Variants in ULK4 observed in about 807,000 individuals in gnomAD.
ULK4 encodes the protein unc-51 like kinase 4, also known as inactive serine/threonine-protein kinase ULK4.
ULK4 carries 133 observed loss-of-function variants against 160.6 expected under a neutral mutation model. That is an observed-to-expected ratio of 0.83 (90% CI 0.72 to 0.96). The LOEUF is 0.96. ULK4 is among the 40% of genes least tolerant of loss of function. The pLI is 0.00. For synonymous variants in ULK4, 534 were observed against 539.8 expected (o/e 0.99, Z 0.15); for missense variants, 1,580 against 1,499.5 (o/e 1.05, Z -0.89).
chr3:41,366,781 G>T (rs2081262345), intron 35 of ULK4, among the ~76,000 whole-genome samples: 1 of 152,174 alleles, frequency 6.6e-6, no homozygotes, highest in Admixed American at 6.5e-5. Flanking sequence ...TGAGTCTTCT[G>T]TCCCTTCTCT....
intron 27 of ULK4, among the ~76,000 whole-genome samples, chr3:41,693,918 T>C (rs1039447499): frequency 1.3e-5 from 2 of 150,414 alleles, no homozygotes; most frequent in Admixed American, 1.3e-4. Context: ...ACACTAGGAG[T>C]GGGGAAGGGA....
intron 20 of ULK4, among the ~76,000 whole-genome samples, chr3:41,791,989 T>C (rs1476340528): frequency 6.6e-6 from 1 of 152,160 alleles, no homozygotes; most frequent in East Asian, 1.9e-4. Context: ...TCCCATCAAA[T>C]AATTAAACTC....
At chr3:41,385,297 A>C (rs2081780200) in intron 35 of ULK4, among the ~76,000 whole-genome samples, 1 of 152,186 alleles carries the variant, frequency 6.6e-6, no homozygotes, top group Non-Finnish European at 1.5e-5. Flanking sequence ...AAAGAAGAGT[A>C]AAACTATCAT....
Position 41,789,779 on chromosome 3 carries a change from A to T in ULK4, c.2075T>A (p.Leu692Gln). 1 of 1,613,768 alleles carries T rather than the reference A, an allele frequency of 6.2e-7. No individual in the cohort carries two copies. The highest frequency in any genetic ancestry group is 8.5e-7 in the Non-Finnish European group (1 of 1,179,866). ...AFQNVIEKVG[L>Q]NSVINSLASA... ...GGCCAGGGAGTTTATTACTGAGTTC[A>T]GTCCCACCTTTTCAATAACATTCTG... The change falls in exon 21 of 37, where the codon CTG (leucine) becomes CAG (glutamine). Residue 692 changes from leucine to glutamine, a missense_variant. Coordinates refer to ENST00000301831, the MANE Select transcript of ULK4 (RefSeq NM_017886.4).
At position 41,762,610 on chromosome 3, in the gene ULK4, T is replaced by C. The variant is rs140811965; in HGVS notation, c.2194-8122A>G. Among the ~76,000 whole-genome samples, 13 of 151,012 alleles carry C rather than the reference T, an allele frequency of 8.6e-5. No individual in the cohort carries two copies. In the East Asian group the frequency reaches 2.3e-3, roughly 27 times the overall value. On this transcript the variant is annotated intron_variant, in intron 21 of 36. Transcript: ENST00000301831. ...GGTGAAGGAGAAGCAAACCATGTCT[T>C]ACCTGGTGACAGGAGAAAGAGCAAG...
chr3:41,575,527 G>T (rs1310310858), intron 31 of ULK4, among the ~76,000 whole-genome samples: 1 of 152,140 alleles, frequency 6.6e-6, no homozygotes, highest in African/African-American at 2.4e-5. Context: ...CTTTTATATG[G>T]GGCATCATCA....
chr3:41,464,207 T>C (rs562292275), intron 32 of ULK4, among the ~76,000 whole-genome samples: 2 of 152,256 alleles, frequency 1.3e-5, no homozygotes, highest in South Asian at 4.1e-4. Context: ...TTCTATACAG[T>C]GCACCTTGTC....
chr3:41,556,289 A>G (rs1187108301), intron 32 of ULK4, among the ~76,000 whole-genome samples: 2 of 152,192 alleles, frequency 1.3e-5, no homozygotes, highest in Non-Finnish European at 2.9e-5. Flanking sequence ...CAACTCTGTG[A>G]AAACAGAATT....
intron 34 of ULK4, among the ~76,000 whole-genome samples, chr3:41,455,005 T>C (rs988116116): frequency 1.3e-5 from 2 of 152,206 alleles, no homozygotes; most frequent in Non-Finnish European, 2.9e-5. Flanking sequence ...TGAATTTCTG[T>C]TGAGCTCTTT....
intron 3 of ULK4, 160 bp downstream of exon 3, chr3:41,937,938 T>C (rs949421648): frequency 6.7e-6 from 3 of 447,156 alleles, no homozygotes; most frequent in Middle Eastern, 1.2e-3. Context: ...TACATAATTC[T>C]TCTTTTTCCC....
intron 32 of ULK4, among the ~76,000 whole-genome samples, chr3:41,491,814 T>C (rs1213749452): frequency 1.3e-5 from 2 of 152,040 alleles, no homozygotes; most frequent in Non-Finnish European, 2.9e-5. Flanking sequence ...ATGTGCCATG[T>C]TGGTGTGCTG....
At chr3:41,737,731 C>G (rs1273503313) in intron 22 of ULK4, among the ~76,000 whole-genome samples, 1 of 151,962 alleles carries the variant, frequency 6.6e-6, no homozygotes, top group Non-Finnish European at 1.5e-5. Flanking sequence ...CCAGAATCCT[C>G]AGCAAACTCA....
intron 27 of ULK4, among the ~76,000 whole-genome samples, chr3:41,701,859 A>C (rs1341252137): frequency 6.6e-6 from 1 of 152,158 alleles, no homozygotes; most frequent in Non-Finnish European, 1.5e-5. Context: ...TTTAGCTTTT[A>C]ATACATTAAT....
At chr3:41,516,025 G>A (rs2085736826) in intron 32 of ULK4, among the ~76,000 whole-genome samples, 1 of 152,096 alleles carries the variant, frequency 6.6e-6, no homozygotes, top group Non-Finnish European at 1.5e-5. Context: ...TCACTAAATT[G>A]TATGCTTAAA....
chr3:41,347,869 T>C (rs1421281278), intron 35 of ULK4, among the ~76,000 whole-genome samples: 7 of 152,100 alleles, frequency 4.6e-5, no homozygotes, highest in African/African-American at 1.7e-4. Flanking sequence ...AATAAGGTAT[T>C]AGGAAGATAT....
intron 35 of ULK4, among the ~76,000 whole-genome samples, chr3:41,338,110 A>G (rs1270260696): frequency 6.6e-6 from 1 of 152,230 alleles, no homozygotes; most frequent in Non-Finnish European, 1.5e-5. Flanking sequence ...AGCCTTTCAG[A>G]GAGACAACTT....
intron 35 of ULK4, among the ~76,000 whole-genome samples, chr3:41,253,411 T>TA (rs1391457681): frequency 6.6e-6 from 1 of 151,998 alleles, no homozygotes; most frequent in Non-Finnish European, 1.5e-5. Context: ...GTAAGGCTTT[T>TA]ATGTTCCATT....
At chr3:41,282,315 G>A (rs1469547601) in intron 35 of ULK4, among the ~76,000 whole-genome samples, 1 of 152,092 alleles carries the variant, frequency 6.6e-6, no homozygotes, top group Non-Finnish European at 1.5e-5. Context: ...AGTTTATATG[G>A]AACCAAAAAA....
intron 2 of ULK4, among the ~76,000 whole-genome samples, chr3:41,951,144 CAAAAA>C (rs34524276): frequency 1.5e-5 from 1 of 64,658 alleles, no homozygotes; most frequent in South Asian, 9.4e-4. Flanking sequence ...GGCTTCGTCT[CAAAAA>C]AAAAAAAAAA....
Sources: gnomAD v4.1 joint callset for allele counts (sites outside exome capture counted in the v4.1 genomes callset) on GRCh38, gnomAD v4.1.1 for gene constraint, MANE v1.5 for transcripts, NCBI Gene and HGNC (gene_info 2026-07-23, HGNC 2026-07-21) for gene names.